Variants in ZNF600 observed in about 807,000 individuals in gnomAD.
ZNF600 encodes zinc finger protein 600.
Under a neutral mutation model 7.3 loss-of-function variants are expected in ZNF600, and 4 were observed. The ratio of observed to expected loss-of-function variants is 0.55; its 90% CI spans 0.27 to 1.25. The LOEUF is 1.25. Ranked by LOEUF, ZNF600 falls within the 50% of genes most tolerant of loss-of-function variation. The probability of loss-of-function intolerance (pLI) is 0.12; values close to 1 mark genes in which losing one functional copy is unlikely to be tolerated. For missense variants in ZNF600, 911 were observed against 922.1 expected (o/e 0.99, Z 0.16); for synonymous variants, 290 against 308.9 (o/e 0.94, Z 0.64).
At chr19:52,778,929 A>G in intron 1 of ZNF600, 22 bp from the exon 4 acceptor site, 1 of 1,576,258 alleles carries the variant, frequency 6.3e-7, no homozygotes. Flanking sequence ...AAAAAATGAG[A>G]CTTCTTGTTA....
chr19:52,793,764 C>CCCCA, the ZNF600 span, among the ~76,000 whole-genome samples: 12 of 138,832 alleles, frequency 8.6e-5, no homozygotes, highest in African/African-American at 3.2e-4. Flanking sequence ...CCAAACTCTG[C>CCCCA]CACACACACA....
chr19:52,781,194 C>A (rs2062718509), intron 1 of ZNF600, 123 bp downstream of exon 2: 1 of 148,786 alleles, frequency 6.7e-6, no homozygotes, highest in African/African-American at 2.5e-5. Context: ...AACTGGAATT[C>A]ATTTAAAATT....
chr19:52,798,525 T>A, the ZNF600 span: 1 of 511,632 alleles, frequency 2.0e-6, no homozygotes, highest in East Asian at 5.6e-5. Flanking sequence ...TTTGTAAGAT[T>A]TCTGTCCAGC....
the ZNF600 span, among the ~76,000 whole-genome samples, chr19:52,832,521 G>T: frequency 6.6e-6 from 1 of 151,892 alleles, no homozygotes; most frequent in African/African-American, 2.4e-5. Context: ...CTTGAACCCA[G>T]GAGGCAGATG....
exon 4 of ZNF600, chr19:52,766,569 G>T: frequency 6.2e-7 from 1 of 1,613,906 alleles, no homozygotes; most frequent in Non-Finnish European, 8.5e-7. Context: ...TGAATTCCAC[G>T]CAAAAGCCTT....
intron 1 of ZNF600, 47 bp from the exon 3 acceptor site, chr19:52,781,102 A>T (rs1212199109): frequency 6.6e-6 from 1 of 151,688 alleles, no homozygotes; most frequent in East Asian, 1.9e-4. Context: ...CTGTGAGATG[A>T]TAAGGTTCAA....
intron 1 of ZNF600, among the ~76,000 whole-genome samples, chr19:52,782,524 A>C (rs892459844): frequency 4.4e-5 from 4 of 91,446 alleles, no homozygotes; most frequent in Admixed American, 1.2e-4. Flanking sequence ...ACTGCATCCA[A>C]AAAAAAAAAA....
chr19:52,777,491 T>C (rs529078142), intron 2 of ZNF600, among the ~76,000 whole-genome samples: 1 of 151,898 alleles, frequency 6.6e-6, no homozygotes, highest in East Asian at 2.0e-4. Flanking sequence ...TAGTGAGCTA[T>C]GATTGCACCA....
the ZNF600 span, among the ~76,000 whole-genome samples, chr19:52,832,220 A>T: frequency 6.6e-6 from 1 of 152,118 alleles, no homozygotes; most frequent in Non-Finnish European, 1.5e-5. Flanking sequence ...TAACAAAAAA[A>T]TAAGTAAAAT....
the ZNF600 span, among the ~76,000 whole-genome samples, chr19:52,815,236 C>T: frequency 5.5e-5 from 8 of 145,166 alleles, 1 homozygote; most frequent in Non-Finnish European, 1.0e-4. Flanking sequence ...ACTATTGGGC[C>T]CGGGCACAGT....
intron 2 of ZNF600, 60 bp downstream of exon 4, chr19:52,778,766 A>C (rs2062696722): frequency 6.4e-7 from 1 of 1,558,658 alleles, no homozygotes; most frequent in Non-Finnish European, 8.6e-7. Flanking sequence ...TGGCTGCTAC[A>C]ATACCTGGCA....
At chr19:52,828,661 T>C in the ZNF600 span, among the ~76,000 whole-genome samples, 69,780 of 151,850 alleles carry the variant, frequency 0.46, 17,610 homozygotes, top group Non-Finnish European at 0.57. Context: ...AGAGAAAACA[T>C]TGTATAAAAC....
At chr19:52,816,905 A>T in the ZNF600 span, among the ~76,000 whole-genome samples, 1 of 148,174 alleles carries the variant, frequency 6.7e-6, no homozygotes, top group Non-Finnish European at 1.5e-5. Context: ...TTATCCTCTT[A>T]GATAAAAAAG....
chr19:52,792,703 G>A, the ZNF600 span, among the ~76,000 whole-genome samples: 2 of 151,984 alleles, frequency 1.3e-5, no homozygotes, highest in Non-Finnish European at 2.9e-5. Flanking sequence ...GAGCCACCAT[G>A]CCCGGCTCAA....
chr19:52,811,077 G>T, the ZNF600 span, among the ~76,000 whole-genome samples: 4 of 148,836 alleles, frequency 2.7e-5, no homozygotes, highest in Non-Finnish European at 6.0e-5. Flanking sequence ...TTTTTTTGGT[G>T]GAGACGGGGT....
the ZNF600 span, among the ~76,000 whole-genome samples, chr19:52,815,804 G>A: frequency 6.2e-5 from 9 of 145,872 alleles, no homozygotes; most frequent in South Asian, 2.3e-4. Flanking sequence ...CAGCCTGGGC[G>A]ACAGAGCGAG....
At chr19:52,819,346 C>T in the ZNF600 span, among the ~76,000 whole-genome samples, 16 of 145,604 alleles carry the variant, frequency 1.1e-4, 2 homozygotes, top group East Asian at 3.2e-3. Flanking sequence ...CAAAGTCCTC[C>T]GAAGATGGTC....
upstream of ZNF600, chr19:52,786,857 C>T: frequency 8.4e-6 from 2 of 238,736 alleles, no homozygotes; most frequent in South Asian, 3.8e-5. Context: ...GGCGGAGAGA[C>T]CTTGCCCTTT....
At chr19:52,786,941 G>GT (rs1228631673), upstream of ZNF600, 1 of 166,440 alleles carries the variant, frequency 6.0e-6, no homozygotes, top group Non-Finnish European at 1.4e-5. Flanking sequence ...TGTTTTTCGA[G>GT]TTTTTGGAGG....
Sources: allele counts gnomAD v4.1 joint callset (sites outside exome capture counted in the v4.1 genomes callset), GRCh38; gene constraint gnomAD v4.1.1; transcripts MANE v1.5; gene names NCBI Gene and HGNC (gene_info 2026-07-23, HGNC 2026-07-21).